Variants in TRPV2 observed in about 807,000 individuals in gnomAD.
The protein encoded by TRPV2 is transient receptor potential cation channel subfamily V member 2, also known as OTRPC2.
TRPV2 carries 58 observed loss-of-function variants against 91.0 expected under a neutral mutation model. The ratio of observed to expected loss-of-function variants is 0.64; its 90% CI spans 0.52 to 0.79. The LOEUF is 0.79. Ranked by LOEUF, TRPV2 falls within the 30% of genes least tolerant of loss-of-function variation. TRPV2 has a pLI of 0.00. For missense variants in TRPV2, 807 were observed against 969.6 expected (o/e 0.83, Z 2.23); for synonymous variants, 417 against 414.8 (o/e 1.01, Z -0.06).
In TRPV2 at chr17:16,433,602, A is replaced by C. The variant is rs1439075186; in HGVS notation, c.2018A>C (p.Asn673Thr). The C allele has an allele frequency of 1.2e-6, 2 of 1,614,146 alleles. No individual in the cohort carries two copies. The highest frequency in any genetic ancestry group is 1.7e-6 in the Non-Finnish European group (2 of 1,180,020). The change falls in exon 13 of 15, where the codon AAT becomes ACT. Residue 673 changes from asparagine to threonine, a missense_variant. By Grantham distance (65) the Asn-to-Thr change is moderately conservative (BLOSUM62 0). Transcript: ENST00000338560. ...QKAISVLEME[N>T]GYWWCRKKQR... ...GCCATCTCTGTCCTGGAGATGGAGA[A>C]TGGCTATTGGTGGTGCAGGAAGAAG... is the stretch of plus-strand genomic sequence containing the variant.
rs1796062044 is a variant in TRPV2 at position 16,426,113 on chromosome 17, C to T, written c.939C>T (p.Ile313=). The T allele has an allele frequency of 6.2e-7, 1 of 1,614,206 alleles. No homozygotes were observed. Among genetic ancestry groups the T allele is most frequent in the Non-Finnish European group, 8.5e-7 (1 of 1,180,026 alleles). ...CCACCCTGCAGATTTTCAGGCACAT[C>T]CTGCAGCGGGAGTTTTCAGGACTGA... The part of the protein sequence containing the change: ...KEGKIEIFRH[I]LQREFSGLSH... The change falls in exon 6 of 15, where the codon ATC becomes ATT. Residue 313 remains isoleucine (I), a synonymous_variant. Transcript: ENST00000338560. The surrounding 1 kb of genome is among the most constrained non-coding windows in gnomAD (Gnocchi z 6.0).
chr17:16,421,482 A>AGTG (rs2093356762), intron 3 of TRPV2, among the ~76,000 whole-genome samples: 1 of 148,484 alleles, frequency 6.7e-6, no homozygotes, highest in African/African-American at 2.5e-5. Flanking sequence ...CCTACCAAAA[A>AGTG]TGCTGGGATT....
intron 14 of TRPV2, among the ~76,000 whole-genome samples, chr17:16,436,182 C>A (rs1600996990): frequency 6.6e-6 from 1 of 152,194 alleles, no homozygotes; most frequent in Admixed American, 6.5e-5. Flanking sequence ...CTGCCTCTTA[C>A]TTCTGCACCA....
In TRPV2 at chr17:16,426,654, T is replaced by C. The variant is rs1021524046; in HGVS notation, c.1096-68T>C. 4.5e-6 allele frequency: 7 copies of C among 1,545,984 alleles called. No homozygotes were observed. Among genetic ancestry groups the C allele is most frequent in the Admixed American group, 1.9e-5 (1 of 53,918 alleles). ...CATTTCCTGGGCCCTTGCTTTGATC[T>C]TGACATGGAGTGGGCAGCCTATTTG... On this transcript the variant is annotated intron_variant, in intron 6 of 14. Coordinates refer to ENST00000338560, the MANE Select transcript of TRPV2 (RefSeq NM_016113.5). The surrounding 1 kb of genome is among the most constrained non-coding windows in gnomAD (Gnocchi z 6.0).
Position 16,426,642 on chromosome 17 carries a change from C to T in TRPV2, c.1096-80C>T. 1 of 1,516,920 alleles carries T rather than the reference C, an allele frequency of 6.6e-7. No individual in the cohort carries two copies. Among genetic ancestry groups the T allele is most frequent in the South Asian group, 1.3e-5 (1 of 78,760 alleles). 94.0% of individuals were successfully genotyped at this position (1,516,920 alleles called of 1,614,324 possible). A position where few individuals can be genotyped will look rare whatever the true frequency, so the allele number is the denominator to read the frequency against. Reference sequence around the variant, plus strand: ...GTCCTCTCTCCTCATTTCCTGGGCCCTTGCTTTGATCTTGACATGGAGTGG... The same window carrying T: ...GTCCTCTCTCCTCATTTCCTGGGCCTTTGCTTTGATCTTGACATGGAGTGG... On this transcript the variant is annotated intron_variant, in intron 6 of 14. Coordinates refer to ENST00000338560, the MANE Select transcript of TRPV2 (RefSeq NM_016113.5). This position sits in a 1 kb window ranked among gnomAD's most constrained non-coding sequence, Gnocchi z 6.0.
chr17:16,430,262 T>A (rs2093403539), intron 10 of TRPV2, among the ~76,000 whole-genome samples: 1 of 152,160 alleles, frequency 6.6e-6, no homozygotes, highest in African/African-American at 2.4e-5. Context: ...CAGAACTTTC[T>A]TGTCATCCCA....
At chr17:16,428,597 A>C (rs945077033) in intron 9 of TRPV2, 3 of 708,718 alleles carry the variant, frequency 4.2e-6, no homozygotes, top group Non-Finnish European at 7.1e-6. Flanking sequence ...AGTGACATTT[A>C]CTAGGCCTCG....
intron 8 of TRPV2, 45 bp from the exon 9 acceptor site, chr17:16,428,272 C>T (rs745969026): frequency 1.9e-6 from 3 of 1,589,764 alleles, no homozygotes; most frequent in South Asian, 2.2e-5. Flanking sequence ...AGGGGGCATG[C>T]GGGAGAGCAG....
rs187874825 is a variant in TRPV2 at position 16,430,981 on chromosome 17, A to G, written c.1588-803A>G. On this transcript the variant is annotated intron_variant, in intron 10 of 14. Coordinates refer to ENST00000338560, the MANE Select transcript of TRPV2 (RefSeq NM_016113.5). ...TTCTTTTGGGCATATACATACCCAG[A>G]AGTGGAATTGCTGGGTCATACAGTA... 9.9e-5 allele frequency among the ~76,000 whole-genome samples: 15 copies of G among 151,576 alleles called. No individual in the cohort carries two copies. In the East Asian group the frequency reaches 2.9e-3, roughly 29 times the overall value.
intron 3 of TRPV2, 56 bp downstream of exon 3, chr17:16,420,304 G>C: frequency 1.3e-6 from 2 of 1,565,408 alleles, no homozygotes. Flanking sequence ...ATAGTTAGGT[G>C]GGCTGTGTGG....
intron 3 of TRPV2, among the ~76,000 whole-genome samples, chr17:16,422,033 A>G (rs979417246): frequency 6.7e-6 from 1 of 150,068 alleles, no homozygotes; most frequent in African/African-American, 2.4e-5. Flanking sequence ...AGCCGGGCGC[A>G]GTGGCTCACG....
rs1263215594 is a variant in TRPV2, at chr17:16,426,183, C to T, written c.1009C>T (p.Arg337Trp). 13 of 1,614,156 alleles carry T rather than the reference C, an allele frequency of 8.1e-6. No homozygotes were observed. Among genetic ancestry groups the T allele is most frequent in the African/African-American group, 1.3e-5 (1 of 75,032 alleles). Residue 337 changes from arginine (R) to tryptophan (W), a missense_variant, in exon 6 of 15, where the codon CGG (arginine) becomes TGG (tryptophan). Coordinates refer to ENST00000338560, the MANE Select transcript of TRPV2 (RefSeq NM_016113.5). The surrounding 1 kb of genome is among the most constrained non-coding windows in gnomAD (Gnocchi z 6.0). Reference sequence around the variant, plus strand: ...CACCGAGTGGTGCTATGGGCCTGTCCGGGTGTCGCTGTATGACCTGGCTTC... The same window carrying T: ...CACCGAGTGGTGCTATGGGCCTGTCTGGGTGTCGCTGTATGACCTGGCTTC... ...KFTEWCYGPV[R>W]VSLYDLASVD...
intron 3 of TRPV2, among the ~76,000 whole-genome samples, chr17:16,422,334 AAAAAG>A (rs1261036151): frequency 2.7e-4 from 41 of 149,400 alleles, no homozygotes; most frequent in Admixed American, 5.3e-4. Flanking sequence ...AAAAAAAAAA[AAAAAG>A]AAAAGAAAAG....
In TRPV2 at chr17:16,436,968, G is replaced by T. The variant is rs2093436403; in HGVS notation, c.*79G>T. 1.8e-6 allele frequency: 2 copies of T among 1,104,576 alleles called. No homozygotes were observed. The highest frequency in any genetic ancestry group is 2.7e-6 in the Non-Finnish European group (2 of 729,180). 68.4% of individuals were successfully genotyped at this position (1,104,576 alleles called of 1,614,324 possible). On this transcript the variant is annotated 3_prime_UTR_variant, in exon 15 of 15. Transcript: ENST00000338560. ...CATCTGCTGGCTCTGGGGTCCCAGT[G>T]AATTCTGGTGGCAAATATATATTTT...
chr17:16,426,376 A>G lies in TRPV2; in HGVS notation c.1095+107A>G, dbSNP rs2093383295. ...ACCATATCTGCCCCATTCCTGTGCC[A>G]GTGGGGGTGTGGCTGCATGTCCCAG... On this transcript the variant is annotated intron_variant, in intron 6 of 14. Coordinates refer to ENST00000338560, the MANE Select transcript of TRPV2 (RefSeq NM_016113.5). This position sits in a 1 kb window ranked among gnomAD's most constrained non-coding sequence, Gnocchi z 6.0. The G allele has an allele frequency of 7.2e-7, 1 of 1,379,980 alleles. No homozygotes were observed. Among genetic ancestry groups the G allele is most frequent in the Non-Finnish European group, 9.8e-7 (1 of 1,017,074 alleles). 85.5% of individuals were successfully genotyped at this position (1,379,980 alleles called of 1,614,324 possible).
At chr17:16,428,787 C>A (rs2093396616) in intron 9 of TRPV2, 30 bp from the exon 10 acceptor site, 1 of 1,611,800 alleles carries the variant, frequency 6.2e-7, no homozygotes, top group African/African-American at 1.3e-5. Context: ...AAGTGGCCCG[C>A]AAGCCCACCT....
intron 12 of TRPV2, among the ~76,000 whole-genome samples, chr17:16,432,987 T>C (rs928476439): frequency 6.6e-6 from 1 of 152,028 alleles, no homozygotes; most frequent in Non-Finnish European, 1.5e-5. Context: ...TTGTATTTAG[T>C]AGAGATAAGG....
intron 1 of TRPV2, 92 bp from the exon 2 acceptor site, chr17:16,417,470 C>T: frequency 1.9e-6 from 1 of 539,792 alleles, no homozygotes; most frequent in South Asian, 2.1e-5. Flanking sequence ...TCTCTAACAG[C>T]TGACCAGCCA....
intron 12 of TRPV2, 89 bp from the exon 13 acceptor site, chr17:16,433,485 G>T: frequency 6.5e-7 from 1 of 1,543,820 alleles, no homozygotes; most frequent in East Asian, 2.3e-5. Context: ...GAAGTGCTGC[G>T]CGGCACTTCC....
Sources: allele counts gnomAD v4.1 joint callset (sites outside exome capture counted in the v4.1 genomes callset), GRCh38; gene constraint gnomAD v4.1.1; non-coding constraint Gnocchi (gnomAD v3.1); transcripts MANE v1.5; gene names NCBI Gene and HGNC (gene_info 2026-07-23, HGNC 2026-07-21).